Variants in KCNK3 observed in about 807,000 individuals in gnomAD.
KCNK3 encodes the protein potassium channel subfamily K member 3.
KCNK3 carries 9 observed loss-of-function variants against 27.3 expected under a neutral mutation model. The ratio of observed to expected loss-of-function variants is 0.33; its 90% CI spans 0.20 to 0.57. KCNK3 has a LOEUF of 0.57. Among genes scored for constraint, KCNK3 ranks in the 20% least tolerant of loss-of-function variants. The pLI, the probability that KCNK3 is intolerant of heterozygous loss-of-function variation, is 0.87. For synonymous variants in KCNK3, 278 were observed against 273.8 expected (o/e 1.02, Z -0.15); for missense variants, 391 against 577.7 (o/e 0.68, Z 3.31).
chr2:26,719,820 A>G (rs1231130464), intron 1 of KCNK3, among the ~76,000 whole-genome samples: 2 of 152,236 alleles, frequency 1.3e-5, no homozygotes, highest in Non-Finnish European at 2.9e-5. Context: ...TTGGCCTATC[A>G]GAACAGACTT....
intron 1 of KCNK3, among the ~76,000 whole-genome samples, chr2:26,725,605 C>T (rs1325689850): frequency 1.3e-5 from 2 of 152,154 alleles, no homozygotes; most frequent in Non-Finnish European, 2.9e-5. Flanking sequence ...TGTGGTCTGG[C>T]TGCCATGGCC....
At chr2:26,724,363 T>C (rs574903184) in intron 1 of KCNK3, 1 of 152,830 alleles carries the variant, frequency 6.5e-6, no homozygotes, top group African/African-American at 2.4e-5. Flanking sequence ...TCCCAAGGCC[T>C]CCCGGCCTGG....
rs763871946 is a variant in KCNK3, at chr2:26,693,046, C to A, written c.171C>A (p.Gly57=). 13 of 1,599,558 alleles carry A rather than the reference C, an allele frequency of 8.1e-6. No individual in the cohort carries two copies. The Admixed American group carries it at 1.3e-4, about 17-fold the overall frequency. ...GGGCGCGCTACAACCTCAGCCAGGG[C>A]GGCTACGAGGAGCTGGAGCGCGTCG... ...ELRARYNLSQ[G]GYEELERVVL... is the part of the protein sequence containing the mutation. Residue 57 remains glycine (G), a synonymous_variant, in exon 1 of 2, where the codon GGC becomes GGA. Transcript: ENST00000302909. This position sits in a 1 kb window ranked among gnomAD's most constrained non-coding sequence, Gnocchi z 5.5.
chr2:26,722,273 G>C (rs1415597198), intron 1 of KCNK3, among the ~76,000 whole-genome samples: 3 of 152,196 alleles, frequency 2.0e-5, no homozygotes, highest in Non-Finnish European at 4.4e-5. Flanking sequence ...ACATTCCATG[G>C]AACTGGTATT....
intron 1 of KCNK3, among the ~76,000 whole-genome samples, chr2:26,704,715 G>C (rs1208595329): frequency 1.3e-5 from 2 of 152,236 alleles, no homozygotes; most frequent in East Asian, 1.9e-4. Context: ...TGGGGCTTTG[G>C]GGGCAGGCAC....
intron 1 of KCNK3, among the ~76,000 whole-genome samples, chr2:26,715,720 C>T (rs1207796851): frequency 6.6e-6 from 1 of 152,200 alleles, no homozygotes; most frequent in East Asian, 1.9e-4. Flanking sequence ...GGATTTTCCA[C>T]CTAGCTCTGC....
rs3739081 is a variant in KCNK3 at position 26,732,753 on chromosome 2, A to G, written c.*4185A>G. Reference sequence around the variant, plus strand: ...AAACAGCTAAATGCAACAATAGCAGAAATTAGCTTGTTTTTGAGGTTGGCA... The same window carrying G: ...AAACAGCTAAATGCAACAATAGCAGGAATTAGCTTGTTTTTGAGGTTGGCA... On this transcript the variant is annotated 3_prime_UTR_variant, in exon 2 of 2. Transcript: ENST00000302909. 0.41 allele frequency: 62,188 copies of G among 152,294 alleles called. 14,861 individuals carry two copies. Among genetic ancestry groups the G allele is most frequent in the Non-Finnish European group, 0.53 (36,326 of 68,022 alleles). The allele number at this position is 152,294 out of a possible 1,614,324, so 9.4% of individuals were successfully genotyped here.
chr2:26,694,760 G>C (rs1157994139), intron 1 of KCNK3, among the ~76,000 whole-genome samples: 1 of 152,142 alleles, frequency 6.6e-6, no homozygotes, highest in Non-Finnish European at 1.5e-5. Context: ...ATTTGCCAGG[G>C]TTTCAGTAGC....
chr2:26,720,339 C>A (rs1190033899), intron 1 of KCNK3, among the ~76,000 whole-genome samples: 1 of 152,206 alleles, frequency 6.6e-6, no homozygotes, highest in Non-Finnish European at 1.5e-5. Context: ...AGGTCCCTAT[C>A]CCCAGGCACC....
At chr2:26,719,527 T>C (rs1210408398) in intron 1 of KCNK3, among the ~76,000 whole-genome samples, 1 of 152,198 alleles carries the variant, frequency 6.6e-6, no homozygotes, top group Non-Finnish European at 1.5e-5. Flanking sequence ...CTCCTTCGGC[T>C]TCTGTCTTAA....
chr2:26,706,217 C>G (rs866218439), intron 1 of KCNK3, among the ~76,000 whole-genome samples: 13 of 152,288 alleles, frequency 8.5e-5, no homozygotes, highest in South Asian at 2.1e-4. Context: ...ATCCTCGAGC[C>G]AAAGCTCCTG....
chr2:26,718,519 C>A (rs951492685), intron 1 of KCNK3, among the ~76,000 whole-genome samples: 2 of 152,136 alleles, frequency 1.3e-5, no homozygotes, highest in African/African-American at 4.8e-5. Context: ...AAATTAATCA[C>A]GAGCCCATTA....
In KCNK3 at chr2:26,696,556, C is replaced by T. The variant is rs554265260; in HGVS notation, c.283+3398C>T. 3.3e-5 allele frequency among the ~76,000 whole-genome samples: 5 copies of T among 152,350 alleles called. No homozygotes were observed. In the South Asian group the frequency reaches 8.3e-4, roughly 25 times the overall value. ...TCTTAGTCATTCACCTGGTTAGTCACCGTCTCCACTGGCTGGAAGGATTCC... is the reference window on the plus strand; with the variant it reads ...TCTTAGTCATTCACCTGGTTAGTCATCGTCTCCACTGGCTGGAAGGATTCC... On this transcript the variant is annotated intron_variant, in intron 1 of 1. Coordinates refer to ENST00000302909, the MANE Select transcript of KCNK3 (RefSeq NM_002246.3).
chr2:26,712,939 A>G (rs1290838603), intron 1 of KCNK3, among the ~76,000 whole-genome samples: 1 of 152,114 alleles, frequency 6.6e-6, no homozygotes, highest in Non-Finnish European at 1.5e-5. Context: ...ATTCCCTGCC[A>G]GCCCAGAGCT....
At chr2:26,704,764 C>T (rs565174269) in intron 1 of KCNK3, among the ~76,000 whole-genome samples, 14 of 152,366 alleles carry the variant, frequency 9.2e-5, no homozygotes, top group East Asian at 5.8e-4. Context: ...CTCCGATCAA[C>T]GCAACAGATG....
Position 26,709,867 on chromosome 2 carries a change from C to G in KCNK3, c.283+16709C>G, listed in dbSNP as rs1005136371. The stretch of plus-strand genomic sequence containing the variant: ...CGGGCCTGTCTGACTCCAAAGCCCC[C>G]GCTCTTCCTCAGCAGTCCCTCACCC... On this transcript the variant is annotated intron_variant, in intron 1 of 1. Coordinates refer to ENST00000302909, the MANE Select transcript of KCNK3 (RefSeq NM_002246.3). Among the ~76,000 whole-genome samples the G allele has an allele frequency of 7.9e-5, 12 of 152,324 alleles. No homozygotes were observed. In the South Asian group the frequency reaches 1.0e-3, roughly 13 times the overall value.
chr2:26,699,246 A>G (rs143389115), intron 1 of KCNK3, among the ~76,000 whole-genome samples: 1 of 140,342 alleles, frequency 7.1e-6, no homozygotes, highest in Non-Finnish European at 1.5e-5. Flanking sequence ...AGAAAGAAAG[A>G]AAGAAAGCCA....
chr2:26,715,532 A>G (rs1663213641), intron 1 of KCNK3, among the ~76,000 whole-genome samples: 2 of 152,236 alleles, frequency 1.3e-5, no homozygotes. Flanking sequence ...CAAGTCCCCA[A>G]GATCCTGGTC....
Position 26,728,502 on chromosome 2 carries a change from G to T in KCNK3, c.1119G>T (p.Ser373=). The change falls in exon 2 of 2, where the codon TCG becomes TCT. Residue 373 remains serine, a synonymous_variant. Coordinates refer to ENST00000302909, the MANE Select transcript of KCNK3 (RefSeq NM_002246.3). Reference sequence around the variant, plus strand: ...GGGCGCCACGCTCCGCCATCAGCTCGGTGTCCACGGGTCTGCACAGCCTGT... The same window carrying T: ...GGGCGCCACGCTCCGCCATCAGCTCTGTGTCCACGGGTCTGCACAGCCTGT... The part of the protein sequence containing the change: ...CSGAPRSAIS[S]VSTGLHSLST... The T allele has an allele frequency of 2.0e-6, 3 of 1,526,322 alleles. No individual in the cohort carries two copies. Among genetic ancestry groups the T allele is most frequent in the Non-Finnish European group, 2.6e-6 (3 of 1,134,004 alleles). The allele number at this position is 1,526,322 out of a possible 1,614,324, so 94.5% of individuals were successfully genotyped here.
Sources: allele counts gnomAD v4.1 joint callset (sites outside exome capture counted in the v4.1 genomes callset), GRCh38; gene constraint gnomAD v4.1.1; non-coding constraint Gnocchi (gnomAD v3.1); transcripts MANE v1.5; gene names NCBI Gene and HGNC (gene_info 2026-07-23, HGNC 2026-07-21).